The following DSCAM variants were observed in gnomAD, a reference collection of about 807,000 sequenced individuals.
The protein encoded by DSCAM is DS cell adhesion molecule, also known as cell adhesion molecule DSCAM.
Under a neutral mutation model 217.7 loss-of-function variants are expected in DSCAM, and 47 were observed. The ratio of observed to expected loss-of-function variants is 0.22; its 90% CI spans 0.17 to 0.28. The LOEUF (loss-of-function observed/expected upper bound fraction) is 0.28. Ranked by LOEUF, DSCAM falls within the 10% of genes least tolerant of loss-of-function variation. The pLI is 1.00. For synonymous variants in DSCAM, 1,056 were observed against 1,015.3 expected, an observed-to-expected ratio of 1.04 and a Z score of -0.76; for missense variants, 2,080 against 2,618.3, an observed-to-expected ratio of 0.79 and a Z score of 4.49.
intron 1 of DSCAM, among the ~76,000 whole-genome samples, chr21:40,774,809 A>G (rs1315619412): frequency 6.6e-6 from 1 of 151,928 alleles, no homozygotes; most frequent in East Asian, 1.9e-4. Context: ...TACCATGATC[A>G]TGGAACAGAT....
At chr21:40,689,186 G>A (rs1418893132) in intron 3 of DSCAM, among the ~76,000 whole-genome samples, 2 of 152,140 alleles carry the variant, frequency 1.3e-5, no homozygotes, top group Non-Finnish European at 2.9e-5. Flanking sequence ...TTCTTTTTAG[G>A]GAAATACACA....
chr21:40,211,625 C>T (rs2091185041), intron 11 of DSCAM, among the ~76,000 whole-genome samples: 2 of 147,006 alleles, frequency 1.4e-5, no homozygotes, highest in African/African-American at 4.9e-5. Flanking sequence ...GTAGACCTAT[C>T]CACCTATCCA....
At chr21:40,846,369 T>C (rs1010469350) in intron 1 of DSCAM, among the ~76,000 whole-genome samples, 1 of 152,104 alleles carries the variant, frequency 6.6e-6, no homozygotes, top group African/African-American at 2.4e-5. Flanking sequence ...GGCTCTGAGC[T>C]GTCACTTGGC....
At chr21:40,805,938 G>C (rs1417619633) in intron 1 of DSCAM, among the ~76,000 whole-genome samples, 1 of 152,068 alleles carries the variant, frequency 6.6e-6, no homozygotes, top group Non-Finnish European at 1.5e-5. Context: ...TCGATCTCCT[G>C]ACCTTGTGAT....
chr21:40,360,202 G>A (rs2074745692), intron 4 of DSCAM, among the ~76,000 whole-genome samples: 1 of 134,516 alleles, frequency 7.4e-6, no homozygotes, highest in South Asian at 2.5e-4. Flanking sequence ...CGTGATCTTA[G>A]CTCACTGCAA....
chr21:40,331,430 C>T (rs1257032215), intron 8 of DSCAM, among the ~76,000 whole-genome samples: 1 of 152,186 alleles, frequency 6.6e-6, no homozygotes, highest in African/African-American at 2.4e-5. Flanking sequence ...CAGACACACT[C>T]ACAGCATTAT....
chr21:40,551,415 G>A (rs1289942711), intron 3 of DSCAM, among the ~76,000 whole-genome samples: 1 of 152,158 alleles, frequency 6.6e-6, no homozygotes, highest in African/African-American at 2.4e-5. Context: ...TAAGATAAGG[G>A]GTTGTGGAGA....
intron 1 of DSCAM, among the ~76,000 whole-genome samples, chr21:40,834,543 T>C (rs1257150490): frequency 6.6e-6 from 1 of 151,908 alleles, no homozygotes. Flanking sequence ...ATAATGCCTA[T>C]GCCTGTGCAC....
chr21:40,496,735 CAT>C (rs1249555951), intron 3 of DSCAM, among the ~76,000 whole-genome samples: 10 of 151,938 alleles, frequency 6.6e-5, no homozygotes, highest in Non-Finnish European at 1.0e-4. Context: ...ATTTTCAAGC[CAT>C]ATGTCTGATA....
intron 1 of DSCAM, among the ~76,000 whole-genome samples, chr21:40,822,296 G>A (rs897541122): frequency 7.1e-6 from 1 of 140,206 alleles, no homozygotes; most frequent in Non-Finnish European, 1.5e-5. Context: ...TCCAGCCTGG[G>A]TGACAGAGTG....
chr21:40,765,932 G>T (rs2091384442), intron 1 of DSCAM, among the ~76,000 whole-genome samples: 1 of 152,196 alleles, frequency 6.6e-6, no homozygotes, highest in Non-Finnish European at 1.5e-5. Context: ...TCCGCCCTGT[G>T]CTGCTGATGG....
At chr21:40,209,449 G>A (rs1017834780) in intron 11 of DSCAM, among the ~76,000 whole-genome samples, 1 of 152,134 alleles carries the variant, frequency 6.6e-6, no homozygotes, top group South Asian at 2.1e-4. Context: ...TACCCTTGCT[G>A]ATCTGACCTG....
chr21:40,136,784 T>C (rs2090213788), intron 18 of DSCAM, among the ~76,000 whole-genome samples: 1 of 152,006 alleles, frequency 6.6e-6, no homozygotes, highest in Admixed American at 6.6e-5. Flanking sequence ...CGGCAAATAC[T>C]TGAATCAGAA....
chr21:40,699,673 C>A (rs1040208376), intron 2 of DSCAM, among the ~76,000 whole-genome samples: 1 of 152,154 alleles, frequency 6.6e-6, no homozygotes, highest in South Asian at 2.1e-4. Context: ...TTGCCTTAAG[C>A]GAAAGCCTAA....
chr21:40,622,105 T>C (rs1226840420), intron 3 of DSCAM, among the ~76,000 whole-genome samples: 1 of 152,144 alleles, frequency 6.6e-6, no homozygotes, highest in Non-Finnish European at 1.5e-5. Context: ...GTTGATGCAT[T>C]GCTATTTTAG....
At chr21:40,289,580 C>G (rs1051909793) in intron 10 of DSCAM, among the ~76,000 whole-genome samples, 43 of 152,242 alleles carry the variant, frequency 2.8e-4, no homozygotes, top group African/African-American at 9.6e-4. Flanking sequence ...TTGAGAGAGA[C>G]AGAGACAGCA....
chr21:40,471,158 A>G (rs1271688982), intron 3 of DSCAM, among the ~76,000 whole-genome samples: 5 of 152,202 alleles, frequency 3.3e-5, no homozygotes, highest in African/African-American at 1.2e-4. Flanking sequence ...CATGAACTTC[A>G]AGCAGTTAGC....
At chr21:40,266,635 T>TTTTATATATA (rs1233684162) in intron 11 of DSCAM, among the ~76,000 whole-genome samples, 27 of 62,638 alleles carry the variant, frequency 4.3e-4, no homozygotes, top group Admixed American at 1.0e-3. Flanking sequence ...CAAAGATGTT[T>TTTTATATATA]TATATATATA....
Position 40,801,717 on chromosome 21 carries a change from T to A in DSCAM, c.43+44902A>T, listed in dbSNP as rs1293232898. On this transcript the variant is annotated intron_variant, in intron 1 of 32. Coordinates refer to ENST00000400454, the MANE Select transcript of DSCAM (RefSeq NM_001389.5). ...GCTTGTGGCACAGCTCTGGAAGGAA[T>A]ACACATGTCAGTATACATGTAGCGC... Among the ~76,000 whole-genome samples the A allele has an allele frequency of 2.6e-5, 4 of 152,178 alleles. No homozygotes were observed. The East Asian group carries it at 5.8e-4, about 22-fold the overall frequency.
Sources: allele counts gnomAD v4.1 joint callset (sites outside exome capture counted in the v4.1 genomes callset), GRCh38; gene constraint gnomAD v4.1.1; transcripts MANE v1.5; gene names NCBI Gene and HGNC (gene_info 2026-07-23, HGNC 2026-07-21).